Variants in GRIN2A observed in about 807,000 individuals in gnomAD.
GRIN2A encodes the protein glutamate ionotropic receptor NMDA type subunit 2A, also known as glutamate receptor ionotropic, NMDA 2A.
Under a neutral mutation model 113.4 loss-of-function variants are expected in GRIN2A, and 22 were observed. The observed-to-expected ratio is 0.19, with a 90% CI of 0.14 to 0.28. GRIN2A has a LOEUF of 0.28. Among genes scored for constraint, GRIN2A ranks in the 10% least tolerant of loss-of-function variants. The probability of loss-of-function intolerance (pLI) is 1.00; values close to 1 mark genes in which losing one functional copy is unlikely to be tolerated. For synonymous variants in GRIN2A, 827 were observed against 738.4 expected, an observed-to-expected ratio of 1.12 and a Z score of -1.94; for missense variants, 1,502 against 1,887.0, an observed-to-expected ratio of 0.80 and a Z score of 3.78.
At chr16:10,130,793 G>A (rs2049045586) in intron 2 of GRIN2A, among the ~76,000 whole-genome samples, 1 of 152,222 alleles carries the variant, frequency 6.6e-6, no homozygotes, top group Non-Finnish European at 1.5e-5. Context: ...TTCGGGAGCA[G>A]CCTGACTCAA....
At chr16:9,985,231 A>G (rs748598747) in intron 2 of GRIN2A, among the ~76,000 whole-genome samples, 4 of 152,236 alleles carry the variant, frequency 2.6e-5, no homozygotes, top group Non-Finnish European at 4.4e-5. Context: ...CAACATCCAG[A>G]TATGGGGCCA....
chr16:9,891,216 T>C (rs144909303), intron 3 of GRIN2A, 116 bp from the exon 4 acceptor site: 178 of 712,486 alleles, frequency 2.5e-4, no homozygotes, highest in Non-Finnish European at 2.0e-4. Flanking sequence ...CAATGCTATA[T>C]TCATCACAAG....
chr16:10,179,970 C>A (rs574402070), intron 2 of GRIN2A, 28 bp downstream of exon 2: 1 of 1,606,834 alleles, frequency 6.2e-7, no homozygotes, highest in Non-Finnish European at 8.5e-7. Context: ...TTCCCAGGTC[C>A]TGGCAGGGCA....
intron 11 of GRIN2A, among the ~76,000 whole-genome samples, chr16:9,779,875 C>G (rs992593556): frequency 6.6e-6 from 1 of 152,204 alleles, no homozygotes; most frequent in Non-Finnish European, 1.5e-5. Flanking sequence ...GGCAGAGAAG[C>G]TAGATATCAA....
intron 1 of GRIN2A, 192 bp downstream of exon 1, chr16:10,181,679 CAAGAGG>C (rs2050274728): frequency 6.6e-6 from 1 of 152,396 alleles, no homozygotes. Flanking sequence ...AGGCGAACTC[CAAGAGG>C]CCTCGACGTT....
intron 2 of GRIN2A, among the ~76,000 whole-genome samples, chr16:9,967,509 C>G (rs1003299009): frequency 6.6e-6 from 1 of 152,164 alleles, no homozygotes; most frequent in African/African-American, 2.4e-5. Context: ...AGTTTGAGAC[C>G]AGCCTGGCTA....
intron 2 of GRIN2A, among the ~76,000 whole-genome samples, chr16:9,945,351 T>G (rs866967024): frequency 6.6e-6 from 1 of 151,922 alleles, no homozygotes; most frequent in Non-Finnish European, 1.5e-5. Context: ...GGGAGAGCCA[T>G]TCCAGCAGAA....
At chr16:9,809,893 C>T (rs1057200275) in intron 10 of GRIN2A, among the ~76,000 whole-genome samples, 3 of 152,090 alleles carry the variant, frequency 2.0e-5, no homozygotes, top group Non-Finnish European at 4.4e-5. Context: ...GATGGTGAAG[C>T]CCCATCTCTA....
At chr16:10,117,596 C>A (rs920661662) in intron 2 of GRIN2A, among the ~76,000 whole-genome samples, 1 of 152,132 alleles carries the variant, frequency 6.6e-6, no homozygotes, top group African/African-American at 2.4e-5. Flanking sequence ...CTTCCTGGAC[C>A]AGATAACCAT....
chr16:9,879,712 A>T (rs993170396), intron 4 of GRIN2A, among the ~76,000 whole-genome samples: 2 of 152,206 alleles, frequency 1.3e-5, no homozygotes, highest in African/African-American at 4.8e-5. Context: ...ACTCTGAGCA[A>T]GTTATTGAAT....
chr16:10,091,822 T>C (rs2048189686), intron 2 of GRIN2A, among the ~76,000 whole-genome samples: 2 of 152,020 alleles, frequency 1.3e-5, no homozygotes, highest in Admixed American at 1.3e-4. Context: ...AAAAGGAAAA[T>C]CTATAGAGAC....
At chr16:10,132,334 C>T (rs1277793288) in intron 2 of GRIN2A, among the ~76,000 whole-genome samples, 3 of 64,552 alleles carry the variant, frequency 4.6e-5, no homozygotes, top group Non-Finnish European at 1.1e-4. Flanking sequence ...GAACAAGACA[C>T]CGTCTCAAAA....
At chr16:10,064,619 A>T (rs915311973) in intron 2 of GRIN2A, among the ~76,000 whole-genome samples, 1 of 152,200 alleles carries the variant, frequency 6.6e-6, no homozygotes, top group African/African-American at 2.4e-5. Flanking sequence ...TGCTATTTGA[A>T]ATGGCAAGAG....
chr16:9,814,063 T>C (rs753113362), intron 10 of GRIN2A, among the ~76,000 whole-genome samples: 17 of 152,238 alleles, frequency 1.1e-4, no homozygotes, highest in Non-Finnish European at 2.4e-4. Context: ...TGGTTTACCT[T>C]TGCCTTGGGA....
Position 9,844,251 on chromosome 16 carries a change from A to T in GRIN2A, c.1329-3147T>A, listed in dbSNP as rs1210501999. Among the ~76,000 whole-genome samples, 4 of 152,314 alleles carry T rather than the reference A, an allele frequency of 2.6e-5. No homozygotes were observed. The East Asian group carries it at 5.8e-4, about 22-fold the overall frequency. On this transcript the variant is annotated intron_variant, in intron 5 of 12. Transcript: ENST00000330684. ...AGTTATCTCACCCATATCCCTGAAC[A>T]TGAGGTATATTTCTAAATACAAATG...
chr16:9,781,286 C>A (rs184375652), intron 11 of GRIN2A, among the ~76,000 whole-genome samples: 1 of 152,288 alleles, frequency 6.6e-6, no homozygotes, highest in African/African-American at 2.4e-5. Context: ...GCAAAAAGAA[C>A]TGTAATGCCT....
chr16:10,052,802 C>T (rs2047381466), intron 2 of GRIN2A, among the ~76,000 whole-genome samples: 1 of 152,144 alleles, frequency 6.6e-6, no homozygotes, highest in Admixed American at 6.5e-5. Flanking sequence ...AATCCCAGCA[C>T]TTTGGAAGGC....
At chr16:9,840,307 T>A (rs2042651017) in intron 7 of GRIN2A, among the ~76,000 whole-genome samples, 1 of 151,816 alleles carries the variant, frequency 6.6e-6, no homozygotes, top group Admixed American at 6.6e-5. Context: ...AAACCCCTTA[T>A]AATAATAATA....
chr16:9,926,211 C>A (rs1026990948), intron 3 of GRIN2A, among the ~76,000 whole-genome samples: 4 of 152,118 alleles, frequency 2.6e-5, no homozygotes, highest in Admixed American at 6.5e-5. Flanking sequence ...GTAAGTTGAA[C>A]CAAGAAGGAG....
Sources: gnomAD v4.1 joint callset for allele counts (sites outside exome capture counted in the v4.1 genomes callset) on GRCh38, gnomAD v4.1.1 for gene constraint, MANE v1.5 for transcripts, NCBI Gene and HGNC (gene_info 2026-07-23, HGNC 2026-07-21) for gene names.